Variants in HDAC4 observed in about 807,000 individuals in gnomAD.
HDAC4 encodes histone deacetylase A.
HDAC4 carries 16 observed loss-of-function variants against 135.1 expected under a neutral mutation model. The ratio of observed to expected loss-of-function variants is 0.12; its 90% confidence interval spans 0.08 to 0.18. The LOEUF (loss-of-function observed/expected upper bound fraction) is 0.18, where lower values mean the gene tolerates loss of function less well. Among genes scored for constraint, HDAC4 ranks in the 10% least tolerant of loss-of-function variants. The probability of loss-of-function intolerance (pLI) is 1.00; values close to 1 mark genes in which losing one functional copy is unlikely to be tolerated. For missense variants in HDAC4, 1,143 were observed against 1,511.8 expected (o/e 0.76, Z 4.05); for synonymous variants, 685 against 653.4 (o/e 1.05, Z -0.74).
intron 4 of HDAC4, among the ~76,000 whole-genome samples, chr2:239,187,822 C>G (rs1035119977): frequency 1.1e-4 from 17 of 152,158 alleles, no homozygotes; most frequent in African/African-American, 3.9e-4. Flanking sequence ...GGCTGGTGGG[C>G]CAATCTCCAC....
chr2:239,212,459 C>G (rs1342476445), intron 3 of HDAC4, among the ~76,000 whole-genome samples: 1 of 152,168 alleles, frequency 6.6e-6, no homozygotes, highest in Non-Finnish European at 1.5e-5. Flanking sequence ...CAGACAGCAG[C>G]CATAGAATTC....
At chr2:239,176,605 CCA>C (rs753166195) in intron 4 of HDAC4, 42 bp from the exon 5 acceptor site, 103 of 1,583,400 alleles carry the variant, frequency 6.5e-5, no homozygotes, top group Non-Finnish European at 7.4e-5. Flanking sequence ...AGCCCAGGCT[CCA>C]CACACACACA....
At chr2:239,281,698 C>T (rs1318140198) in intron 2 of HDAC4, among the ~76,000 whole-genome samples, 4 of 147,330 alleles carry the variant, frequency 2.7e-5, no homozygotes, top group African/African-American at 5.0e-5. Context: ...CTACTCTACA[C>T]GCAGTGTACA....
chr2:239,053,605 G>A lies in HDAC4; in HGVS notation c.3089-4C>T, dbSNP rs2031244424. ...TGCAGGCAGCGCCAGTACTTGCCTG[G>A]GGTGGTGGGGTGAGGAAAGTCGCTC... On this transcript the variant is annotated splice_region_variant and splice_polypyrimidine_tract_variant and intron_variant, in intron 25 of 26. Transcript: ENST00000543185. The A allele has an allele frequency of 6.2e-7, 1 of 1,613,184 alleles. No homozygotes were observed. Among genetic ancestry groups the A allele is most frequent in the South Asian group, 1.1e-5 (1 of 91,060 alleles).
At chr2:239,294,337 G>A (rs2051718738) in intron 2 of HDAC4, among the ~76,000 whole-genome samples, 2 of 152,222 alleles carry the variant, frequency 1.3e-5, no homozygotes, top group African/African-American at 4.8e-5. Context: ...GGCCTTGGCA[G>A]AGGCCTGACT....
chr2:239,153,249 G>A (rs547228293), intron 7 of HDAC4, among the ~76,000 whole-genome samples: 2 of 152,328 alleles, frequency 1.3e-5, no homozygotes, highest in East Asian at 3.9e-4. Flanking sequence ...CAGTGACAAA[G>A]CTTTTCACAT....
At chr2:239,118,763 G>C (rs2039370050) in intron 12 of HDAC4, among the ~76,000 whole-genome samples, 1 of 152,182 alleles carries the variant, frequency 6.6e-6, no homozygotes, top group Non-Finnish European at 1.5e-5. Context: ...GGAGAAACAA[G>C]TTCAACTAAG....
chr2:239,275,643 C>A (rs1283610851), intron 2 of HDAC4, among the ~76,000 whole-genome samples: 2 of 152,174 alleles, frequency 1.3e-5, no homozygotes, highest in African/African-American at 4.8e-5. Flanking sequence ...GGGTGGCACA[C>A]CTGGGTTCGG....
At chr2:239,336,727 G>A (rs1691963375) in intron 2 of HDAC4, among the ~76,000 whole-genome samples, 1 of 152,154 alleles carries the variant, frequency 6.6e-6, no homozygotes, top group Admixed American at 6.5e-5. Context: ...CACATTCCCC[G>A]CGATTATTAG....
intron 2 of HDAC4, among the ~76,000 whole-genome samples, chr2:239,263,453 A>C (rs889757504): frequency 1.3e-5 from 2 of 151,894 alleles, no homozygotes; most frequent in Non-Finnish European, 2.9e-5. Context: ...CATGGGCCTC[A>C]CTGCACAGGT....
intron 17 of HDAC4, among the ~76,000 whole-genome samples, chr2:239,093,106 G>A (rs1457327940): frequency 1.3e-5 from 2 of 152,190 alleles, no homozygotes; most frequent in Non-Finnish European, 2.9e-5. Context: ...GCCGAGCAGG[G>A]ACACCAGCTC....
intron 22 of HDAC4, among the ~76,000 whole-genome samples, chr2:239,079,212 G>A (rs2035057812): frequency 6.6e-6 from 1 of 152,226 alleles, no homozygotes; most frequent in Non-Finnish European, 1.5e-5. Flanking sequence ...ATTGGGGGAC[G>A]TCCTTCTCTC....
At chr2:239,247,747 A>T (rs1470020864) in intron 2 of HDAC4, among the ~76,000 whole-genome samples, 1 of 152,072 alleles carries the variant, frequency 6.6e-6, no homozygotes, top group Non-Finnish European at 1.5e-5. Context: ...AGAACAATAA[A>T]CTCAAAGTGG....
intron 2 of HDAC4, among the ~76,000 whole-genome samples, chr2:239,248,305 C>A (rs1020500339): frequency 3.3e-5 from 5 of 151,990 alleles, no homozygotes; most frequent in Admixed American, 6.6e-5. Context: ...CTCAGCCTCC[C>A]GAATAGCTGG....
chr2:239,177,527 G>A (rs2043851425), intron 4 of HDAC4, among the ~76,000 whole-genome samples: 1 of 152,222 alleles, frequency 6.6e-6, no homozygotes, highest in Non-Finnish European at 1.5e-5. Flanking sequence ...CGCCCCAGCG[G>A]GTGGAGTGTC....
chr2:239,160,244 C>T (rs759496063), intron 6 of HDAC4, among the ~76,000 whole-genome samples: 2 of 152,162 alleles, frequency 1.3e-5, no homozygotes, highest in African/African-American at 2.4e-5. Context: ...AACTTATAAT[C>T]GATATAAACA....
intron 16 of HDAC4, among the ~76,000 whole-genome samples, chr2:239,097,702 A>G (rs953030810): frequency 1.3e-5 from 2 of 152,172 alleles, no homozygotes; most frequent in African/African-American, 4.8e-5. Flanking sequence ...CGCAGGTGGA[A>G]CGAGACTGAA....
At chr2:239,207,308 A>G (rs2046104083) in intron 3 of HDAC4, among the ~76,000 whole-genome samples, 1 of 152,202 alleles carries the variant, frequency 6.6e-6, no homozygotes, top group Non-Finnish European at 1.5e-5. Context: ...GAACTGAAAG[A>G]CGAGATATAT....
chr2:239,165,455 G>A (rs544068689), intron 5 of HDAC4, among the ~76,000 whole-genome samples: 7 of 152,160 alleles, frequency 4.6e-5, no homozygotes, highest in East Asian at 1.9e-4. Context: ...AGAATCTTCC[G>A]GCGATGTGCA....
Sources: allele counts gnomAD v4.1 joint callset (sites outside exome capture counted in the v4.1 genomes callset), GRCh38; gene constraint gnomAD v4.1.1; transcripts MANE v1.5; gene names NCBI Gene and HGNC (gene_info 2026-07-23, HGNC 2026-07-21).